NAV2: variants seen among roughly 807,000 people sequenced by gnomAD.
NAV2 encodes the protein helicase, APC down-regulated 1.
In NAV2, 54 loss-of-function variants were observed where a neutral mutation model predicts 223.2. The ratio of observed to expected loss-of-function variants is 0.24; its 90% CI spans 0.19 to 0.30. The LOEUF (loss-of-function observed/expected upper bound fraction) is 0.30. Among genes scored for constraint, NAV2 ranks in the 10% least tolerant of loss-of-function variants. The probability of loss-of-function intolerance (pLI) is 1.00; values close to 1 mark genes in which losing one functional copy is unlikely to be tolerated. For synonymous variants in NAV2, 1,279 were observed against 1,239.3 expected (o/e 1.03, Z -0.67); for missense variants, 2,806 against 3,147.5 (o/e 0.89, Z 2.60).
At chr11:20,076,463 C>T (rs1002763007) in intron 22 of NAV2, among the ~76,000 whole-genome samples, 37 of 152,320 alleles carry the variant, frequency 2.4e-4, no homozygotes, top group African/African-American at 8.7e-4. Flanking sequence ...TTGGACATGC[C>T]ACTATTCCAT....
rs187308605 is a variant in NAV2 at position 20,103,121 on chromosome 11, A to G, written c.6418-134A>G. On this transcript the variant is annotated intron_variant, in intron 32 of 37. Transcript: ENST00000349880. ...GCCCTGTAATAGGCAGGCACCCAGAATGTGTTTACAGCGCAGAATCATGAA... is the reference window on the plus strand; with the variant it reads ...GCCCTGTAATAGGCAGGCACCCAGAGTGTGTTTACAGCGCAGAATCATGAA... The G allele has an allele frequency of 5.6e-4, 437 of 781,554 alleles. 3 individuals carry two copies. The highest frequency in any genetic ancestry group is 1.5e-3 in the South Asian group (75 of 50,196). 48.4% of individuals were successfully genotyped at this position (781,554 alleles called of 1,614,324 possible). A position where few individuals can be genotyped will look rare whatever the true frequency, so the allele number is the denominator to read the frequency against.
intron 1 of NAV2, among the ~76,000 whole-genome samples, chr11:19,800,697 G>A (rs2058198305): frequency 6.6e-6 from 1 of 151,812 alleles, no homozygotes; most frequent in African/African-American, 2.4e-5. Flanking sequence ...GTGTGTGTGT[G>A]TGTGTGTGTT....
At chr11:19,480,636 G>A (rs1285122131) in intron 1 of NAV2, among the ~76,000 whole-genome samples, 2 of 152,198 alleles carry the variant, frequency 1.3e-5, no homozygotes, top group Non-Finnish European at 1.5e-5. Context: ...AATCATGAAT[G>A]TCAGTTTTAA....
At chr11:20,087,289 T>A (rs1290956289) in intron 26 of NAV2, among the ~76,000 whole-genome samples, 1 of 152,092 alleles carries the variant, frequency 6.6e-6, no homozygotes, top group African/African-American at 2.4e-5. Context: ...AGGAATCGGG[T>A]GGGGTTGGCT....
intron 1 of NAV2, among the ~76,000 whole-genome samples, chr11:19,792,038 G>A (rs2057558407): frequency 6.6e-6 from 1 of 152,186 alleles, no homozygotes; most frequent in East Asian, 1.9e-4. Context: ...GCATGGTGGG[G>A]GAGAGAAGGG....
intron 1 of NAV2, among the ~76,000 whole-genome samples, chr11:19,831,199 C>T (rs919152205): frequency 2.6e-5 from 3 of 116,430 alleles, no homozygotes; most frequent in African/African-American, 1.1e-4. Context: ...GACCCCGGCT[C>T]CTGTTCCCAT....
At chr11:20,022,941 G>A (rs2153536700) in intron 11 of NAV2, 1 of 1,329,280 alleles carries the variant, frequency 7.5e-7, no homozygotes, top group South Asian at 1.7e-5. Context: ...TTCCTGGCCT[G>A]GGGAATGGTG....
intron 1 of NAV2, among the ~76,000 whole-genome samples, chr11:19,696,596 GT>G (rs1841353917): frequency 6.6e-6 from 1 of 152,212 alleles, no homozygotes; most frequent in African/African-American, 2.4e-5. Flanking sequence ...CAGGATCATG[GT>G]TTACTGGTTC....
intron 3 of NAV2, among the ~76,000 whole-genome samples, chr11:19,865,871 T>G (rs2062058031): frequency 5.5e-5 from 1 of 18,290 alleles, no homozygotes; most frequent in Non-Finnish European, 1.3e-4. Context: ...GCTCTGATTC[T>G]TCTAGAGAAA....
chr11:19,375,570 A>T (rs933805526), intron 1 of NAV2, among the ~76,000 whole-genome samples: 3 of 152,182 alleles, frequency 2.0e-5, no homozygotes, highest in Non-Finnish European at 2.9e-5. Context: ...TATTAGAGAA[A>T]TCCATCAAGC....
At chr11:19,489,878 G>T (rs1293631649) in intron 1 of NAV2, among the ~76,000 whole-genome samples, 2 of 152,222 alleles carry the variant, frequency 1.3e-5, no homozygotes, top group East Asian at 3.9e-4. Flanking sequence ...TTATTCCACA[G>T]TCCCAGAACC....
intron 1 of NAV2, among the ~76,000 whole-genome samples, chr11:19,465,108 A>G (rs1230007610): frequency 6.6e-6 from 1 of 152,180 alleles, no homozygotes; most frequent in African/African-American, 2.4e-5. Context: ...TGACAAGCTA[A>G]CTTAAAATGG....
intron 10 of NAV2, among the ~76,000 whole-genome samples, chr11:19,982,796 C>T (rs775484843): frequency 2.0e-5 from 3 of 152,142 alleles, no homozygotes; most frequent in South Asian, 2.1e-4. Context: ...TGGGCAGCCT[C>T]GTCTGCATCT....
At chr11:19,559,681 C>T (rs557448991) in intron 1 of NAV2, among the ~76,000 whole-genome samples, 5 of 152,144 alleles carry the variant, frequency 3.3e-5, no homozygotes, top group African/African-American at 1.2e-4. Context: ...CTTCAAGAAG[C>T]GTCTATTGAT....
chr11:19,427,234 A>G (rs912618964), intron 1 of NAV2, among the ~76,000 whole-genome samples: 1 of 152,242 alleles, frequency 6.6e-6, no homozygotes, highest in Non-Finnish European at 1.5e-5. Context: ...CCCTGCAGAA[A>G]GAGGATGGCA....
intron 1 of NAV2, among the ~76,000 whole-genome samples, chr11:19,747,051 A>T (rs868156048): frequency 8.2e-5 from 4 of 48,492 alleles, no homozygotes; most frequent in Admixed American, 4.1e-4. Context: ...CCCTCCCCCC[A>T]CCCCACAACA....
intron 11 of NAV2, among the ~76,000 whole-genome samples, chr11:20,013,989 T>C (rs2053794845): frequency 6.6e-6 from 1 of 152,232 alleles, no homozygotes; most frequent in Non-Finnish European, 1.5e-5. Context: ...TCTGTTCCGG[T>C]GTTCTCTCCT....
rs555078444 is a variant in NAV2, at chr11:20,093,095, G to T, written c.5816-4G>T. 2 of 1,610,992 alleles carry T rather than the reference G, an allele frequency of 1.2e-6. No individual in the cohort carries two copies. Among genetic ancestry groups the T allele is most frequent in the South Asian group, 1.1e-5 (1 of 90,938 alleles). ...CTAAGGCTGTTGATGTTTTCCATTC[G>T]CAGACATGTTGCTGGATGACACTGG... On this transcript the variant is annotated splice_region_variant and splice_polypyrimidine_tract_variant and intron_variant, in intron 28 of 37. Transcript: ENST00000349880.
intron 36 of NAV2, among the ~76,000 whole-genome samples, chr11:20,113,682 G>A (rs1049218940): frequency 1.3e-5 from 2 of 152,162 alleles, no homozygotes; most frequent in Non-Finnish European, 2.9e-5. Flanking sequence ...GGGGCTGTAA[G>A]AGTCAGACCC....
Sources: gnomAD v4.1 joint callset for allele counts (sites outside exome capture counted in the v4.1 genomes callset) on GRCh38, gnomAD v4.1.1 for gene constraint, MANE v1.5 for transcripts, NCBI Gene and HGNC (gene_info 2026-07-23, HGNC 2026-07-21) for gene names.